ZNF771: variants seen among roughly 807,000 people sequenced by gnomAD.
The protein encoded by ZNF771 is zinc finger protein 771.
A neutral mutation model predicts 27.6 loss-of-function variants in ZNF771; 10 were observed. That is an observed-to-expected ratio of 0.36 (90% CI 0.22 to 0.61). The LOEUF is 0.61. ZNF771 is among the 20% of genes least tolerant of loss of function. ZNF771 has a pLI of 0.70. For missense variants in ZNF771, 438 were observed against 503.7 expected, an observed-to-expected ratio of 0.87 and a Z score of 1.25; for synonymous variants, 261 against 225.2, an observed-to-expected ratio of 1.16 and a Z score of -1.43.
At chr16:30,414,946 CT>C (rs71149016) in intron 2 of ZNF771, among the ~76,000 whole-genome samples, 115 of 59,454 alleles carry the variant, frequency 1.9e-3, no homozygotes, top group African/African-American at 8.2e-3. Flanking sequence ...CGCCCGGCCT[CT>C]TTTTTTTTTT....
intron 2 of ZNF771, among the ~76,000 whole-genome samples, chr16:30,416,868 T>A (rs1285791838): frequency 6.6e-6 from 1 of 150,834 alleles, no homozygotes; most frequent in East Asian, 1.9e-4. Context: ...GAGGGACTGC[T>A]TGAGCCAGGA....
chr16:30,408,222 A>C (rs745485910), intron 2 of ZNF771, 28 bp downstream of exon 2: 6 of 1,613,462 alleles, frequency 3.7e-6, no homozygotes, highest in Non-Finnish European at 4.2e-6. Flanking sequence ...CCTGGGGCAC[A>C]CTGTCCCCAA....
intron 1 of ZNF771, 22 bp from the exon 2 acceptor site, chr16:30,408,023 C>CA (rs768971677): frequency 2.3e-6 from 3 of 1,306,788 alleles, no homozygotes; most frequent in Non-Finnish European, 3.1e-6. Flanking sequence ...TCCTGAGCTT[C>CA]TGATCCAGCT....
Position 30,417,809 on chromosome 16 carries a change from G to C in ZNF771, c.396G>C (p.Ser132=). The change falls in exon 3 of 3, where the codon TCG becomes TCC. Residue 132 remains serine (S), a synonymous_variant. Coordinates refer to ENST00000319296, the MANE Select transcript of ZNF771 (RefSeq NM_001142305.2). ...PECDKRFSAA[S]NLRQHRRRHT... ...GCGACAAACGCTTCTCGGCCGCCTC[G>C]AACCTGCGGCAGCACCGGCGGCGGC... The C allele has an allele frequency of 2.7e-6, 4 of 1,496,714 alleles. No homozygotes were observed. In the South Asian group the frequency reaches 3.7e-5, roughly 14 times the overall value. The allele number at this position is 1,496,714 out of a possible 1,614,324, so 92.7% of individuals were successfully genotyped here.
chr16:30,415,689 CCT>C (rs2050130538), intron 2 of ZNF771, among the ~76,000 whole-genome samples: 1 of 152,086 alleles, frequency 6.6e-6, no homozygotes, highest in South Asian at 2.1e-4. Context: ...CCTTGCTGTC[CCT>C]CTCTCTTCAC....
intron 2 of ZNF771, among the ~76,000 whole-genome samples, chr16:30,411,542 T>C (rs1365096894): frequency 6.6e-6 from 1 of 152,154 alleles, no homozygotes; most frequent in Non-Finnish European, 1.5e-5. Flanking sequence ...TTGTGAATGG[T>C]ATCATGTAGC....
At chr16:30,411,377 T>G (rs1227199615) in intron 2 of ZNF771, among the ~76,000 whole-genome samples, 1 of 151,816 alleles carries the variant, frequency 6.6e-6, no homozygotes, top group Non-Finnish European at 1.5e-5. Flanking sequence ...GAAGAATTAT[T>G]GGCTGCTACA....
intron 2 of ZNF771, among the ~76,000 whole-genome samples, chr16:30,411,332 A>T (rs1406163134): frequency 4.6e-5 from 7 of 152,200 alleles, no homozygotes. Context: ...AAAAAAAAAA[A>T]ATCAGAGGAG....
intron 2 of ZNF771, among the ~76,000 whole-genome samples, chr16:30,416,372 TCTCC>T (rs2050134194): frequency 6.6e-6 from 1 of 151,870 alleles, no homozygotes; most frequent in African/African-American, 2.4e-5. Context: ...CCAAAACAGA[TCTCC>T]CCTCTCAACT....
chr16:30,415,593 G>C (rs1447428996), intron 2 of ZNF771, among the ~76,000 whole-genome samples: 4 of 151,976 alleles, frequency 2.6e-5, no homozygotes, highest in African/African-American at 9.7e-5. Context: ...ATCTTGGCTA[G>C]GCTGGGCTTG....
At chr16:30,415,237 T>C (rs1030140761) in intron 2 of ZNF771, among the ~76,000 whole-genome samples, 5 of 151,120 alleles carry the variant, frequency 3.3e-5, no homozygotes, top group Admixed American at 3.3e-4. Context: ...GGATTACAGG[T>C]GTGAACCACC....
rs1339804144 is a variant in ZNF771 at position 30,418,688 on chromosome 16, T to C, written c.*321T>C. On this transcript the variant is annotated 3_prime_UTR_variant, in exon 3 of 3. Coordinates refer to ENST00000319296, the MANE Select transcript of ZNF771 (RefSeq NM_001142305.2). ...CCAAGTGAGTTGTCAAGGAACCAAA[T>C]GGGGATGTAAACCTAAAAGGGGTTC... is the stretch of plus-strand genomic sequence containing the variant. The C allele has an allele frequency of 3.0e-6, 1 of 338,436 alleles. No individual in the cohort carries two copies. The allele number at this position is 338,436 out of a possible 1,614,324, so 21.0% of individuals were successfully genotyped here.
Position 30,418,064 on chromosome 16 carries a change from G to A in ZNF771, c.651G>A (p.Ala217=). The change falls in exon 3 of 3, where the codon GCG becomes GCA. Residue 217 remains alanine (A), a synonymous_variant. Coordinates refer to ENST00000319296, the MANE Select transcript of ZNF771 (RefSeq NM_001142305.2). ...GCACGCGCTTCGCTCAGAGCTCGGCGCTGGCCAAGCACCGGCGCGTGCACA... is the reference window on the plus strand; with the variant it reads ...GCACGCGCTTCGCTCAGAGCTCGGCACTGGCCAAGCACCGGCGCGTGCACA... ...DCGTRFAQSS[A]LAKHRRVHTG... 6.8e-7 allele frequency: 1 copy of A among 1,463,980 alleles called. No individual in the cohort carries two copies. The highest frequency in any genetic ancestry group is 1.3e-5 in the South Asian group (1 of 75,700). The allele number at this position is 1,463,980 out of a possible 1,614,324, so 90.7% of individuals were successfully genotyped here. A position where few individuals can be genotyped will look rare whatever the true frequency, so the allele number is the denominator to read the frequency against.
intron 2 of ZNF771, among the ~76,000 whole-genome samples, chr16:30,415,450 C>G (rs1214159220): frequency 1.5e-5 from 2 of 136,858 alleles, no homozygotes; most frequent in Non-Finnish European, 3.0e-5. Flanking sequence ...GTGGTGCAAT[C>G]TTGGCTCACT....
chr16:30,410,186 T>C (rs1347302117), intron 2 of ZNF771, among the ~76,000 whole-genome samples: 1 of 150,996 alleles, frequency 6.6e-6, no homozygotes, highest in Non-Finnish European at 1.5e-5. Context: ...TCACCGCACC[T>C]CCACCTACCG....
intron 2 of ZNF771, 50 bp downstream of exon 2, chr16:30,408,244 G>C (rs1214434920): frequency 6.2e-7 from 1 of 1,611,854 alleles, no homozygotes. Flanking sequence ...CCTGGTCCAG[G>C]CCCAGCCTCC....
At chr16:30,408,754 T>C (rs1358468167) in intron 2 of ZNF771, among the ~76,000 whole-genome samples, 1 of 152,132 alleles carries the variant, frequency 6.6e-6, no homozygotes, top group Admixed American at 6.6e-5. Context: ...GTGAGACTAG[T>C]AGGAGTCTGG....
Position 30,417,813 on chromosome 16 carries a change from C to A in ZNF771, c.400C>A (p.Leu134Met). ...CDKRFSAASN[L>M]RQHRRRHTGE... is the part of the protein sequence containing the mutation. ...CAAACGCTTCTCGGCCGCCTCGAAC[C>A]TGCGGCAGCACCGGCGGCGGCACAC... The change falls in exon 3 of 3, where the codon CTG becomes ATG. Residue 134 changes from leucine (L) to methionine (M), a missense_variant. Around this residue, in one of 3 missense-constraint regions of ZNF771, gnomAD observed 305 missense variants for 308.0 expected, o/e 0.99. Coordinates refer to ENST00000319296, the MANE Select transcript of ZNF771 (RefSeq NM_001142305.2). 6.7e-7 allele frequency: 1 copy of A among 1,499,240 alleles called. No homozygotes were observed. The allele number at this position is 1,499,240 out of a possible 1,614,324, so 92.9% of individuals were successfully genotyped here. A position where few individuals can be genotyped will look rare whatever the true frequency, so the allele number is the denominator to read the frequency against.
At position 30,417,708 on chromosome 16, in the gene ZNF771, C is replaced by G; in HGVS notation, c.295C>G (p.Arg99Gly). The change falls in exon 3 of 3, where the codon CGC (arginine) becomes GGC (glycine). Residue 99 changes from arginine (R) to glycine (G), a missense_variant. By Grantham distance (125) the Arg-to-Gly change is moderately radical. Transcript: ENST00000319296. ...RPFGCTECGR[R>G]FSQKSALTKH... ...CTTCGGGTGCACCGAGTGCGGGCGGCGCTTCTCACAGAAGTCGGCGCTGAC... is the reference window on the plus strand; with the variant it reads ...CTTCGGGTGCACCGAGTGCGGGCGGGGCTTCTCACAGAAGTCGGCGCTGAC... The G allele has an allele frequency of 7.2e-7, 1 of 1,391,958 alleles. No individual in the cohort carries two copies. The highest frequency in any genetic ancestry group is 9.3e-7 in the Non-Finnish European group (1 of 1,076,548). 86.2% of individuals were successfully genotyped at this position (1,391,958 alleles called of 1,614,324 possible).
Sources: allele counts gnomAD v4.1 joint callset (sites outside exome capture counted in the v4.1 genomes callset), GRCh38; gene constraint gnomAD v4.1.1; regional missense constraint gnomAD v4.1.1; transcripts MANE v1.5; gene names NCBI Gene and HGNC (gene_info 2026-07-23, HGNC 2026-07-21).